NXF1: variants seen among roughly 807,000 people sequenced by gnomAD.
NXF1 encodes nuclear RNA export factor 1.
NXF1 carries 43 observed loss-of-function variants against 92.4 expected under a neutral mutation model. That is an observed-to-expected ratio of 0.47 (90% confidence interval 0.36 to 0.60). NXF1 has a LOEUF of 0.60. Among genes scored for constraint, NXF1 ranks in the 20% least tolerant of loss-of-function variants. NXF1 has a pLI of 0.00. For missense variants in NXF1, 576 were observed against 793.0 expected (o/e 0.73, Z 3.29); for synonymous variants, 288 against 292.2 (o/e 0.99, Z 0.15).
At chr11:62,794,186 G>A (rs1590948774) in intron 19 of NXF1, 72 bp downstream of exon 19, 1 of 1,423,156 alleles carries the variant, frequency 7.0e-7, no homozygotes, top group East Asian at 2.3e-5. Flanking sequence ...CAAAAAAACT[G>A]TCAGGAGCCC....
intron 13 of NXF1, 71 bp downstream of exon 13, chr11:62,797,112 A>T: frequency 1.1e-5 from 12 of 1,137,946 alleles, no homozygotes; most frequent in Non-Finnish European, 1.4e-5. Flanking sequence ...AAAAAGATTG[A>T]TGTGTGCCTG....
chr11:62,800,481 C>A lies in NXF1; in HGVS notation c.912G>T (p.Lys304Asn), dbSNP rs752612567. 1 of 1,612,728 alleles carries A rather than the reference C, an allele frequency of 6.2e-7. No individual in the cohort carries two copies. The highest frequency in any genetic ancestry group is 8.5e-7 in the Non-Finnish European group (1 of 1,179,036). ...TTATCTTGTCCAATTCCCGCTCAGA[C>A]TTCAACTGCAAAGGGTGGAAGGAAC... ...KILNLSGNEL[K>N]SERELDKIKG... Residue 304 changes from lysine to asparagine, a missense_variant, in exon 10 of 21, where the codon AAG becomes AAT. By Grantham distance (94) the Lys-to-Asn change is moderately conservative. This residue lies in a region of NXF1 where 425 missense variants were observed against 635.2 expected (regional missense o/e 0.67). Transcript: ENST00000294172.
rs2134775767 is a variant in NXF1 at position 62,801,196 on chromosome 11, C to A, written c.804G>T (p.Leu268Phe). The A allele has an allele frequency of 6.2e-7, 1 of 1,614,116 alleles. No individual in the cohort carries two copies. The highest frequency in any genetic ancestry group is 1.1e-5 in the South Asian group (1 of 91,084). The change falls in exon 9 of 21, where the codon TTG becomes TTT. Residue 268 changes from leucine (L) to phenylalanine (F), a missense_variant. Around this residue, in one of 2 missense-constraint regions of NXF1, gnomAD observed 425 missense variants for 635.2 expected, o/e 0.67. Transcript: ENST00000294172. Reference protein sequence around the residue: ...RIIEENIPELLSLNLSNNRLY... With the variant: ...RIIEENIPELFSLNLSNNRLY... Reference sequence around the variant, plus strand: ...GCCTGTTGTTGCTCAAGTTCAAGGACAATAGCTGTGAGGAGAGAAGAGTTT... The same window carrying A: ...GCCTGTTGTTGCTCAAGTTCAAGGAAAATAGCTGTGAGGAGAGAAGAGTTT...
chr11:62,792,549 A>G, intron 20 of NXF1, 35 bp from the exon 21 acceptor site: 1 of 1,614,078 alleles, frequency 6.2e-7, no homozygotes, highest in Non-Finnish European at 8.5e-7. Context: ...AGGTAGGCCT[A>G]CCCTCGCCAC....
In NXF1 at chr11:62,805,351, C is replaced by T; in HGVS notation, c.6G>A (p.Ala2=). The change falls in exon 1 of 21, where the codon GCG becomes GCA. Residue 2 remains alanine (A), a synonymous_variant. Transcript: ENST00000294172. M[A]DEGKSYSEHD... ...TACCGCTGTACGACTTCCCCTCGTC[C>T]GCCATGCCACAGCGAAGATCAAGGG... 6.2e-7 allele frequency: 1 copy of T among 1,611,514 alleles called. No individual in the cohort carries two copies. Among genetic ancestry groups the T allele is most frequent in the East Asian group, 2.2e-5 (1 of 44,766 alleles).
chr11:62,804,032 T>A (rs773165414), intron 1 of NXF1, 54 bp from the exon 2 acceptor site: 12 of 1,601,674 alleles, frequency 7.5e-6, no homozygotes, highest in Non-Finnish European at 1.0e-5. Context: ...TCCGGTTTGG[T>A]GTGGCAATCA....
intron 17 of NXF1, 103 bp downstream of exon 17, chr11:62,795,798 A>T: frequency 8.5e-7 from 1 of 1,179,848 alleles, no homozygotes; most frequent in Admixed American, 1.7e-5. Context: ...AGGAGCTCAA[A>T]AAGAAAATGG....
At position 62,803,836 on chromosome 11, in the gene NXF1, T is replaced by G. The variant is rs369364496; in HGVS notation, c.171A>C (p.Gly57=). The G allele has an allele frequency of 1.8e-5, 29 of 1,614,008 alleles. No homozygotes were observed. Among genetic ancestry groups the G allele is most frequent in the Middle Eastern group, 1.6e-4 (1 of 6,084 alleles). The part of the protein sequence containing the change: ...IRSSRLEEDD[G]DVAMSDAQDG... ...CCTGGGCATCACTCATTGCCACATC[T>G]CCATCATCTTCCTCAAGGCGGGAAG... The change falls in exon 2 of 21, where the codon GGA becomes GGC. Residue 57 remains glycine, a synonymous_variant. Coordinates refer to ENST00000294172, the MANE Select transcript of NXF1 (RefSeq NM_006362.5).
rs1565197217 is a variant in NXF1 at position 62,794,331 on chromosome 11, G to C, written c.1687C>G (p.Leu563Val). ...PTPSSSPVPT[L>V]SPEQQEMLQA... ...AACATTTCCTGCTGCTCTGGAGAGA[G>C]GGTGGGCACCGGGCTGGAGGAAGGC... The change falls in exon 19 of 21, where the codon CTC becomes GTC. Residue 563 changes from leucine (L) to valine (V), a missense_variant. Leu to Val is a conservative substitution (Grantham distance 32, BLOSUM62 1). This residue lies in a region of NXF1 where 425 missense variants were observed against 635.2 expected (regional missense o/e 0.67). Coordinates refer to ENST00000294172, the MANE Select transcript of NXF1 (RefSeq NM_006362.5). 12 of 1,614,104 alleles carry C rather than the reference G, an allele frequency of 7.4e-6. No homozygotes were observed. The highest frequency in any genetic ancestry group is 2.7e-5 in the African/African-American group (2 of 74,940).
Position 62,797,335 on chromosome 11 carries a change from T to G in NXF1, c.1105A>C (p.Thr369Pro), listed in dbSNP as rs904258775. 1 of 1,614,052 alleles carries G rather than the reference T, an allele frequency of 6.2e-7. No individual in the cohort carries two copies. Among genetic ancestry groups the G allele is most frequent in the Non-Finnish European group, 8.5e-7 (1 of 1,180,000 alleles). ...CTTCCTACCTTGCAGGGCGGTAACG[T>G]CGTGGGGGCTTCAACATCAAAGGCA... is the stretch of plus-strand genomic sequence containing the variant. ...PIAFDVEAPT[T>P]LPPCKGSYFG... The change falls in exon 12 of 21, where the codon ACG becomes CCG. Residue 369 changes from threonine to proline, a missense_variant. Coordinates refer to ENST00000294172, the MANE Select transcript of NXF1 (RefSeq NM_006362.5).
intron 11 of NXF1, 58 bp from the exon 12 acceptor site, chr11:62,797,444 G>T: frequency 6.7e-7 from 1 of 1,495,316 alleles, no homozygotes; most frequent in Non-Finnish European, 9.2e-7. Context: ...TCACACCTGT[G>T]ATCCCAGAAC....
At chr11:62,796,839 C>T in intron 13 of NXF1, 1 of 537,040 alleles carries the variant, frequency 1.9e-6, no homozygotes. Flanking sequence ...GAGGAAGAGG[C>T]AGGTGGATCA....
chr11:62,804,300 G>T, intron 1 of NXF1: 1 of 1,001,410 alleles, frequency 1.0e-6, no homozygotes, highest in Non-Finnish European at 1.4e-6. Context: ...CCTGAAATCT[G>T]CCACTCAGTA....
chr11:62,799,346 G>C, intron 10 of NXF1: 1 of 985,784 alleles, frequency 1.0e-6, no homozygotes, highest in Non-Finnish European at 1.2e-6. Flanking sequence ...TGTTGGCCAG[G>C]TCTCTGTCTG....
At chr11:62,795,086 G>C in intron 17 of NXF1, 79 bp from the exon 18 acceptor site, 1 of 1,331,728 alleles carries the variant, frequency 7.5e-7, no homozygotes, top group Non-Finnish European at 1.1e-6. Flanking sequence ...CATGGTCTTT[G>C]ATATAAAGAA....
intron 10 of NXF1, chr11:62,800,068 T>C: frequency 8.3e-7 from 1 of 1,209,880 alleles, no homozygotes; most frequent in East Asian, 4.1e-5. Context: ...CTGGTTAGAG[T>C]AGAAAGGGGA....
intron 1 of NXF1, 55 bp downstream of exon 1, chr11:62,805,274 C>A: frequency 6.4e-7 from 1 of 1,568,604 alleles, no homozygotes; most frequent in Admixed American, 1.8e-5. Flanking sequence ...CCTAGGCCGG[C>A]GCCGCCCACC....
intron 18 of NXF1, 181 bp from the exon 19 acceptor site, chr11:62,794,621 A>G (rs2084402289): frequency 6.5e-6 from 4 of 616,548 alleles, no homozygotes; most frequent in Non-Finnish European, 1.1e-5. Context: ...TACTAAACAC[A>G]CTAGGGTTCT....
chr11:62,794,040 G>A (rs2084395447), intron 19 of NXF1, among the ~76,000 whole-genome samples: 4 of 151,646 alleles, frequency 2.6e-5, no homozygotes, highest in South Asian at 4.2e-4. Flanking sequence ...GGTGGCACAT[G>A]CCTATAGGCC....
Sources: allele counts gnomAD v4.1 joint callset (sites outside exome capture counted in the v4.1 genomes callset), GRCh38; gene constraint gnomAD v4.1.1; regional missense constraint gnomAD v4.1.1; transcripts MANE v1.5; gene names NCBI Gene and HGNC (gene_info 2026-07-23, HGNC 2026-07-21).